CEACAM21: variants seen among roughly 807,000 people sequenced by gnomAD.
CEACAM21 encodes the protein cell adhesion molecule CEACAM21.
A neutral mutation model predicts 33.2 loss-of-function variants in CEACAM21; 38 were observed. The ratio of observed to expected loss-of-function variants is 1.14; its 90% CI spans 0.88 to 1.50. CEACAM21 has a LOEUF of 1.50. CEACAM21 is among the 40% of genes most tolerant of loss of function. CEACAM21 has a pLI of 0.00. For missense variants in CEACAM21, 385 were observed against 364.6 expected (o/e 1.06, Z -0.46); for synonymous variants, 156 against 143.0 (o/e 1.09, Z -0.65).
At chr19:41,580,197 A>G (rs1450075950) in intron 3 of CEACAM21, among the ~76,000 whole-genome samples, 2 of 151,996 alleles carry the variant, frequency 1.3e-5, no homozygotes, top group African/African-American at 4.8e-5. Context: ...TCAGATTCTA[A>G]ATTGGCAGAT....
At chr19:41,581,153 ATGGGTT>A (rs1555793384) in intron 3 of CEACAM21, among the ~76,000 whole-genome samples, 2 of 152,254 alleles carry the variant, frequency 1.3e-5, no homozygotes. Context: ...CTGGAAGGTT[ATGGGTT>A]TACAGGAATG....
Position 41,577,447 on chromosome 19 carries a change from T to G in CEACAM21, c.312T>G (p.Ser104Arg). Residue 104 changes from serine (S) to arginine (R), a missense_variant, in exon 2 of 7, where the codon AGT (serine) becomes AGG (arginine). Transcript: ENST00000401445. ...AYSGRETISP[S>R]GDLHFQNVTL... ...GCGGTCGAGAGACAATATCACCCAG[T>G]GGAGATCTGCATTTCCAGAACGTCA... 6.2e-7 allele frequency: 1 copy of G among 1,614,134 alleles called. No individual in the cohort carries two copies. Among genetic ancestry groups the G allele is most frequent in the Non-Finnish European group, 8.5e-7 (1 of 1,180,020 alleles).
intron 1 of CEACAM21, among the ~76,000 whole-genome samples, chr19:41,556,152 C>G (rs1555785557): frequency 6.6e-6 from 1 of 152,180 alleles, no homozygotes; most frequent in South Asian, 2.1e-4. Flanking sequence ...CTCTAGATCC[C>G]TTCATGTGAT....
intron 1 of CEACAM21, among the ~76,000 whole-genome samples, chr19:41,564,491 G>T (rs933479959): frequency 2.0e-5 from 3 of 152,062 alleles, no homozygotes; most frequent in Non-Finnish European, 2.9e-5. Flanking sequence ...TTAGCCTGAC[G>T]ACACTCCGCC....
chr19:41,582,059 T>C (rs2043436026), intron 3 of CEACAM21, among the ~76,000 whole-genome samples: 1 of 152,210 alleles, frequency 6.6e-6, no homozygotes, highest in Admixed American at 6.5e-5. Flanking sequence ...AGTTACTTCC[T>C]AGATATAATG....
At chr19:41,580,652 G>T (rs986085552) in intron 3 of CEACAM21, among the ~76,000 whole-genome samples, 1 of 152,228 alleles carries the variant, frequency 6.6e-6, no homozygotes, top group Non-Finnish European at 1.5e-5. Context: ...TGGCATGTGG[G>T]AAGGGGTGTG....
Position 41,579,440 on chromosome 19 carries a change from C to T in CEACAM21, c.512C>T (p.Thr171Ile), listed in dbSNP as rs782563940. The T allele has an allele frequency of 2.0e-5, 32 of 1,613,854 alleles. No individual in the cohort carries two copies. Among genetic ancestry groups the T allele is most frequent in the Non-Finnish European group, 2.7e-5 (32 of 1,179,906 alleles). ...GTCCTGACCTGCCACACAAATAACA[C>T]TGGAACCTCTTTCCAGTGGATTTTC... ...SVVLTCHTNN[T>I]GTSFQWIFNN... Residue 171 changes from threonine (T) to isoleucine (I), a missense_variant, in exon 3 of 7, where the codon ACT (threonine) becomes ATT (isoleucine). Physicochemically the swap from Thr to Ile is moderately conservative, Grantham distance 89. Transcript: ENST00000401445.
intron 1 of CEACAM21, chr19:41,564,619 G>A (rs2042136953): frequency 6.6e-6 from 1 of 152,206 alleles, no homozygotes; most frequent in Non-Finnish European, 1.5e-5. Flanking sequence ...ACCAACTACT[G>A]ATCCCCTCCC....
chr19:41,579,713 G>A (rs551189576), intron 3 of CEACAM21, 85 bp downstream of exon 3: 1 of 962,682 alleles, frequency 1.0e-6, no homozygotes, highest in South Asian at 1.7e-5. Flanking sequence ...CACGGAATGA[G>A]AAGGATGAGA....
Position 41,577,456 on chromosome 19 carries a change from G to C in CEACAM21, c.321G>C (p.Leu107=), listed in dbSNP as rs781901914. ...GRETISPSGD[L]HFQNVTLEDT... is the part of the protein sequence containing the mutation. ...AGACAATATCACCCAGTGGAGATCT[G>C]CATTTCCAGAACGTCACCCTAGAGG... The change falls in exon 2 of 7, where the codon CTG becomes CTC. Residue 107 remains leucine, a synonymous_variant. Transcript: ENST00000401445. 1 of 1,612,936 alleles carries C rather than the reference G, an allele frequency of 6.2e-7. No individual in the cohort carries two copies. The highest frequency in any genetic ancestry group is 8.5e-7 in the Non-Finnish European group (1 of 1,179,690).
upstream of CEACAM21, among the ~76,000 whole-genome samples, chr19:41,573,908 A>G (rs1221242943): frequency 6.6e-6 from 1 of 151,258 alleles, no homozygotes; most frequent in African/African-American, 2.5e-5. Flanking sequence ...AACAATCTGG[A>G]AAAAAAAATT....
At chr19:41,564,732 G>C (rs2042143645) in exon 2 of CEACAM21, 1 of 152,282 alleles carries the variant, frequency 6.6e-6, no homozygotes, top group Non-Finnish European at 1.5e-5. Flanking sequence ...GCTGGGAAGA[G>C]ATGGTGGGAA....
At chr19:41,572,029 C>T (rs1034398637), upstream of CEACAM21, among the ~76,000 whole-genome samples, 1 of 151,762 alleles carries the variant, frequency 6.6e-6, no homozygotes, top group Non-Finnish European at 1.5e-5. Flanking sequence ...CAGGAATAAC[C>T]AGTAGAAATA....
chr19:41,555,852 C>T (rs189387987), intron 1 of CEACAM21, among the ~76,000 whole-genome samples: 278 of 152,346 alleles, frequency 1.8e-3, no homozygotes, highest in African/African-American at 6.3e-3. Flanking sequence ...CCCCTGCAAT[C>T]ACAACCATTT....
intron 1 of CEACAM21, chr19:41,555,323 C>G (rs74823280): frequency 3.5e-5 from 2 of 57,872 alleles, no homozygotes; most frequent in Non-Finnish European, 7.2e-5. Context: ...TTTTTTTTTT[C>G]TTTGCAAGGA....
At chr19:41,582,400 G>C (rs1201972055) in intron 3 of CEACAM21, among the ~76,000 whole-genome samples, 1 of 152,192 alleles carries the variant, frequency 6.6e-6, no homozygotes, top group Non-Finnish European at 1.5e-5. Context: ...GAGGATTGTG[G>C]TCTTCTTCTC....
intron 2 of CEACAM21, among the ~76,000 whole-genome samples, chr19:41,566,124 T>C (rs782496557): frequency 2.6e-5 from 4 of 152,150 alleles, no homozygotes; most frequent in Non-Finnish European, 5.9e-5. Context: ...CAAGATACAA[T>C]TGAGAAAATC....
intron 1 of CEACAM21, among the ~76,000 whole-genome samples, chr19:41,557,170 C>T (rs1286300720): frequency 6.6e-6 from 1 of 152,166 alleles, no homozygotes; most frequent in Non-Finnish European, 1.5e-5. Context: ...AAGATCTCCT[C>T]CCCTCCAAAA....
intron 1 of CEACAM21, among the ~76,000 whole-genome samples, chr19:41,556,062 G>A (rs554375961): frequency 1.3e-5 from 2 of 152,334 alleles, no homozygotes; most frequent in East Asian, 1.9e-4. Context: ...ACTCCACAAG[G>A]AGAACAGGAG....
Sources: allele counts gnomAD v4.1 joint callset (sites outside exome capture counted in the v4.1 genomes callset), GRCh38; gene constraint gnomAD v4.1.1; transcripts MANE v1.5; gene names NCBI Gene and HGNC (gene_info 2026-07-23, HGNC 2026-07-21).